The following DDR1 variants were observed in gnomAD, a reference collection of about 807,000 sequenced individuals.
The protein encoded by DDR1 is discoidin domain receptor tyrosine kinase 1.
In DDR1, 64 loss-of-function variants were observed where a neutral mutation model predicts 97.4. That is an observed-to-expected ratio of 0.66 (90% CI 0.54 to 0.81). The LOEUF is 0.81. DDR1 is among the 30% of genes least tolerant of loss of function. DDR1 has a pLI of 0.00. For missense variants in DDR1, 990 were observed against 1,259.6 expected (o/e 0.79, Z 3.24); for synonymous variants, 458 against 503.7 (o/e 0.91, Z 1.21).
chr6:30,898,809 G>A (rs1791885097), intron 16 of DDR1, 79 bp from the exon 17 acceptor site: 1 of 1,484,014 alleles, frequency 6.7e-7, no homozygotes, highest in East Asian at 2.3e-5. Flanking sequence ...GAGTGGATCT[G>A]GGGCTTCCAA....
chr6:30,892,536 A>G lies in DDR1; in HGVS notation c.1093A>G (p.Ile365Val). The G allele has an allele frequency of 6.3e-7, 1 of 1,588,670 alleles. No individual in the cohort carries two copies. The highest frequency in any genetic ancestry group is 8.6e-7 in the Non-Finnish European group (1 of 1,165,444). ...GTTACTCTTCAGCGAAATCTCCTTC[A>G]TCTCTGGTAAGCCCTGGAGTAGCCC... ...PWLLFSEISF[I>V]SDVVNNSSPA... is the part of the protein sequence containing the mutation. The change falls in exon 8 of 18, where the codon ATC becomes GTC. Residue 365 changes from isoleucine (I) to valine (V), a missense_variant. By Grantham distance (29) the Ile-to-Val change is conservative. Coordinates refer to ENST00000376568, the MANE Select transcript of DDR1 (RefSeq NM_001297654.2).
In DDR1 at chr6:30,888,854, TG is replaced by T. The variant is rs2150284052; in HGVS notation, c.85+43del. ...TCATGGGTCCCTGAGGGCCAGGGCTTGGGAGGTAGAGAGTTGGGGGCCTTGA... is the reference window on the plus strand; with the variant it reads ...TCATGGGTCCCTGAGGGCCAGGGCTTGGAGGTAGAGAGTTGGGGGCCTTGA... On this transcript the variant is annotated intron_variant, in intron 2 of 17. Transcript: ENST00000376568. This position sits in a 1 kb window ranked among gnomAD's most constrained non-coding sequence, Gnocchi z 4.2. The T allele has an allele frequency of 6.2e-7, 1 of 1,612,914 alleles. No homozygotes were observed. Among genetic ancestry groups the T allele is most frequent in the Non-Finnish European group, 8.5e-7 (1 of 1,179,978 alleles).
intron 1 of DDR1, chr6:30,885,918 G>A: frequency 1.1e-6 from 1 of 926,568 alleles, no homozygotes; most frequent in Non-Finnish European, 1.5e-6. Flanking sequence ...AGGCAGGGTG[G>A]CCTGGCCCCT....
At position 30,898,948 on chromosome 6, in the gene DDR1, ATGCTCTG is replaced by A; in HGVS notation, c.2514_2520del (p.Met838IlefsTer44). ...TGGTGTGACCCTGTGGGAGGTGCTG[ATGCTCTG>A]TAGGGCCCAGCCCTTTGGGCAGCTC... On this transcript the variant is annotated frameshift_variant, in exon 17 of 18. Transcript: ENST00000376568. LOFTEE classifies it high-confidence loss of function. 6.2e-7 allele frequency: 1 copy of A among 1,614,058 alleles called. No individual in the cohort carries two copies. Among genetic ancestry groups the A allele is most frequent in the Non-Finnish European group, 8.5e-7 (1 of 1,179,974 alleles).
Position 30,894,536 on chromosome 6 carries a change from A to C in DDR1, c.1378A>C (p.Thr460Pro). ...AERRVLEEEL[T>P]VHLSVPGDTI... The stretch of plus-strand genomic sequence containing the variant: ...ACGGAGGGTGTTGGAAGAGGAGCTG[A>C]CGGTTCACCTCTCTGTCCCTGGGGA... The change falls in exon 11 of 18, where the codon ACG becomes CCG. Residue 460 changes from threonine to proline, a missense_variant. Thr to Pro is a conservative substitution (Grantham distance 38). Transcript: ENST00000376568. This position sits in a 1 kb window ranked among gnomAD's most constrained non-coding sequence, Gnocchi z 5.7. 1 of 1,612,248 alleles carries C rather than the reference A, an allele frequency of 6.2e-7. No homozygotes were observed.
chr6:30,893,385 A>C lies in DDR1; in HGVS notation c.1309A>C (p.Met437Leu). 1.2e-6 allele frequency: 2 copies of C among 1,607,248 alleles called. No individual in the cohort carries two copies. The highest frequency in any genetic ancestry group is 2.2e-5 in the South Asian group (2 of 91,028). Residue 437 changes from methionine to leucine, a missense_variant, in exon 10 of 18, where the codon ATG (methionine) becomes CTG (leucine). By Grantham distance (15) the Met-to-Leu change is conservative. Coordinates refer to ENST00000376568, the MANE Select transcript of DDR1 (RefSeq NM_001297654.2). ...GCTCCTGCTGCTCATCATTGCCCTC[A>C]TGCTCTGGCGGCTGCACTGGCGCAG... ...ILLLLLIIALMLWRLHWRRLL... is the reference protein window; with the variant it reads ...ILLLLLIIALLLWRLHWRRLL...
rs372104138 is a variant in DDR1, at chr6:30,896,739, C to T, written c.1743C>T (p.Thr581=). The T allele has an allele frequency of 2.4e-4, 388 of 1,596,280 alleles. 2 individuals are homozygous for T. The South Asian group carries it at 3.5e-3, about 14-fold the overall frequency. Residue 581 remains threonine, a synonymous_variant, in exon 13 of 18, where the codon ACC becomes ACT. Transcript: ENST00000376568. ...ACATTGTTACCCTGCAGGGCGTCACCGGGGGCAACACCTATGCTGTGCCTG... is the reference window on the plus strand; with the variant it reads ...ACATTGTTACCCTGCAGGGCGTCACTGGGGGCAACACCTATGCTGTGCCTG... The part of the protein sequence containing the change: ...EADIVTLQGV[T]GGNTYAVPAL...
At position 30,897,052 on chromosome 6, in the gene DDR1, T is replaced by C. The variant is rs1049623; in HGVS notation, c.1908T>C (p.Val636=). Residue 636 remains valine (V), a synonymous_variant, in exon 14 of 18, where the codon GTT becomes GTC. Transcript: ENST00000376568. The surrounding 1 kb of genome is among the most constrained non-coding windows in gnomAD (Gnocchi z 5.2). ...LCEVDSPQDL[V]SLDFPLNVRK... ...AGGTCGACAGCCCTCAAGATCTGGT[T>C]AGTCTTGATTTCCCCCTTAATGTGC... is the stretch of plus-strand genomic sequence containing the variant. The C allele has an allele frequency of 0.42, 678,465 of 1,613,196 alleles. 148,378 individuals are homozygous for C. Among genetic ancestry groups the C allele is most frequent in the East Asian group, 0.65 (29,188 of 44,802 alleles).
rs373897356 is a variant in DDR1 at position 30,898,058 on chromosome 6, C to T, written c.2217-15C>T. 46 of 1,602,580 alleles carry T rather than the reference C, an allele frequency of 2.9e-5. No homozygotes were observed. Among genetic ancestry groups the T allele is most frequent in the South Asian group, 5.5e-5 (5 of 90,778 alleles). On this transcript the variant is annotated splice_polypyrimidine_tract_variant and intron_variant, in intron 15 of 17. Transcript: ENST00000376568. ...GAAGCTGCCCCCAGTGACCTTCTGT[C>T]GGTTCCCTTCTCAGCTACCCAATGC...
At chr6:30,892,810 G>C (rs566702580) in intron 8 of DDR1, 1 of 586,260 alleles carries the variant, frequency 1.7e-6, no homozygotes, top group South Asian at 2.4e-5. Context: ...AAATACTTCT[G>C]TATTAGTTGA....
Position 30,894,397 on chromosome 6 carries a change from T to C in DDR1, c.1348-109T>C. ...AGATGGTGCTGATAGTATCCACAGCTGTAGGGCTCTTGTGAGGGCTGAGGG... is the reference window on the plus strand; with the variant it reads ...AGATGGTGCTGATAGTATCCACAGCCGTAGGGCTCTTGTGAGGGCTGAGGG... On this transcript the variant is annotated intron_variant, in intron 10 of 17. Coordinates refer to ENST00000376568, the MANE Select transcript of DDR1 (RefSeq NM_001297654.2). This position sits in a 1 kb window ranked among gnomAD's most constrained non-coding sequence, Gnocchi z 5.7. The C allele has an allele frequency of 9.2e-7, 1 of 1,086,472 alleles. No homozygotes were observed. Among genetic ancestry groups the C allele is most frequent in the South Asian group, 1.8e-5 (1 of 56,460 alleles). The allele number at this position is 1,086,472 out of a possible 1,614,324, so 67.3% of individuals were successfully genotyped here.
intron 1 of DDR1, among the ~76,000 whole-genome samples, chr6:30,887,376 G>C (rs1786250075): frequency 6.6e-6 from 1 of 152,112 alleles, no homozygotes; most frequent in African/African-American, 2.4e-5. Flanking sequence ...CAATCAACCT[G>C]TCTTTTTAAA....
intron 1 of DDR1, chr6:30,885,028 C>T (rs1785267461): frequency 6.7e-6 from 4 of 592,818 alleles, no homozygotes; most frequent in Non-Finnish European, 9.1e-6. Flanking sequence ...TGCAGCCCCA[C>T]TGAGTCAGCT....
chr6:30,897,948 C>T lies in DDR1; in HGVS notation c.2217-125C>T, dbSNP rs2239518. The T allele has an allele frequency of 0.22, 157,569 of 710,530 alleles. 22,834 individuals carry two copies. The highest frequency in any genetic ancestry group is 0.56 in the East Asian group (20,805 of 37,018). The allele number at this position is 710,530 out of a possible 1,614,324, so 44.0% of individuals were successfully genotyped here. On this transcript the variant is annotated intron_variant, in intron 15 of 17. Coordinates refer to ENST00000376568, the MANE Select transcript of DDR1 (RefSeq NM_001297654.2). The surrounding 1 kb of genome is among the most constrained non-coding windows in gnomAD (Gnocchi z 5.2). ...GAGAGGGAAGTGACCCTTGGCCTCA[C>T]GTGGGCATTCCACCTCCACATGGGG...
Position 30,888,474 on chromosome 6 carries a change from G to A in DDR1, c.-42-214G>A. The A allele has an allele frequency of 1.7e-6, 1 of 592,710 alleles. No homozygotes were observed. 36.7% of individuals were successfully genotyped at this position (592,710 alleles called of 1,614,324 possible). A position where few individuals can be genotyped will look rare whatever the true frequency, so the allele number is the denominator to read the frequency against. On this transcript the variant is annotated intron_variant, in intron 1 of 17. Coordinates refer to ENST00000376568, the MANE Select transcript of DDR1 (RefSeq NM_001297654.2). The surrounding 1 kb of genome is among the most constrained non-coding windows in gnomAD (Gnocchi z 4.2). ...AGTAATAGTATCTACCTTATGAAGTGACTGTGAAGATAAAATTATGGATTC... is the reference window on the plus strand; with the variant it reads ...AGTAATAGTATCTACCTTATGAAGTAACTGTGAAGATAAAATTATGGATTC...
Position 30,893,324 on chromosome 6 carries a change from C to A in DDR1, c.1248C>A (p.Thr416=), listed in dbSNP as rs766209632. ...QPVAKAEGSP[T]AILIGCLVAI... ...TGGCCAAGGCCGAGGGGAGCCCGAC[C>A]GCCATCCTCATCGGCTGCCTGGTGG... Residue 416 remains threonine (T), a synonymous_variant, in exon 10 of 18, where the codon ACC becomes ACA. Transcript: ENST00000376568. The A allele has an allele frequency of 1.0e-5, 16 of 1,607,008 alleles. No individual in the cohort carries two copies. Among genetic ancestry groups the A allele is most frequent in the Non-Finnish European group, 1.2e-5 (14 of 1,179,768 alleles).
rs1790165841 is a variant in DDR1, at chr6:30,894,994, C to T, written c.1513+323C>T. 6.6e-6 allele frequency among the ~76,000 whole-genome samples: 1 copy of T among 152,052 alleles called. No homozygotes were observed. Among genetic ancestry groups the T allele is most frequent in the African/African-American group, 2.4e-5 (1 of 41,406 alleles). ...CACCATGTTTGTTCCTTCATCTATC[C>T]TCCATCACCCATCCTTCCATCCATA... is the stretch of plus-strand genomic sequence containing the variant. On this transcript the variant is annotated intron_variant, in intron 11 of 17. Transcript: ENST00000376568. This position sits in a 1 kb window ranked among gnomAD's most constrained non-coding sequence, Gnocchi z 5.7.
At position 30,898,322 on chromosome 6, in the gene DDR1, G is replaced by A. The variant is rs3130799; in HGVS notation, c.2451+15G>A. On this transcript the variant is annotated intron_variant, in intron 16 of 17. Transcript: ENST00000376568. ...GCATCCTCATGGTGAGCAGCCCGAG[G>A]ACAGCCAGGTTGGAGCAGGGCAGGT... 2.1e-4 allele frequency: 337 copies of A among 1,599,798 alleles called. 2 individuals are homozygous for A. Among genetic ancestry groups the A allele is most frequent in the Non-Finnish European group, 2.2e-4 (252 of 1,170,248 alleles).
chr6:30,897,738 T>C lies in DDR1; in HGVS notation c.2216+141T>C. 1.4e-6 allele frequency: 1 copy of C among 708,330 alleles called. No homozygotes were observed. The allele number at this position is 708,330 out of a possible 1,614,324, so 43.9% of individuals were successfully genotyped here. On this transcript the variant is annotated intron_variant, in intron 15 of 17. Coordinates refer to ENST00000376568, the MANE Select transcript of DDR1 (RefSeq NM_001297654.2). The surrounding 1 kb of genome is among the most constrained non-coding windows in gnomAD (Gnocchi z 5.2). The stretch of plus-strand genomic sequence containing the variant: ...TTCCAGGAGGGCCTGGGATAAGGAA[T>C]GTGTGACAAGTTAACCCAGGAACAT...
Sources: gnomAD v4.1 joint callset for allele counts (sites outside exome capture counted in the v4.1 genomes callset) on GRCh38, gnomAD v4.1.1 for gene constraint, Gnocchi (gnomAD v3.1) non-coding constraint, MANE v1.5 for transcripts, NCBI Gene and HGNC (gene_info 2026-07-23, HGNC 2026-07-21) for gene names.